KCTD20: variants seen among roughly 807,000 people sequenced by gnomAD.
The protein encoded by KCTD20 is BTB/POZ domain-containing protein KCTD20.
In KCTD20, 30 loss-of-function variants were observed where a neutral mutation model predicts 39.6. The observed-to-expected ratio is 0.76, with a 90% CI of 0.57 to 1.03. The LOEUF (loss-of-function observed/expected upper bound fraction) is 1.03, where lower values mean the gene tolerates loss of function less well. Ranked by LOEUF, KCTD20 falls within the 50% of genes least tolerant of loss-of-function variation. KCTD20 has a pLI of 0.00. For synonymous variants in KCTD20, 162 were observed against 180.6 expected (o/e 0.90, Z 0.83); for missense variants, 422 against 522.0 (o/e 0.81, Z 1.87).
chr6:36,483,088 C>T (rs929103520), intron 6 of KCTD20, among the ~76,000 whole-genome samples: 5 of 146,068 alleles, frequency 3.4e-5, no homozygotes, highest in Non-Finnish European at 7.4e-5. Flanking sequence ...CATTGCACTA[C>T]AGCCTGGGTA....
chr6:36,448,822 C>G (rs1271697230), intron 1 of KCTD20, among the ~76,000 whole-genome samples: 1 of 152,188 alleles, frequency 6.6e-6, no homozygotes, highest in Non-Finnish European at 1.5e-5. Context: ...AGAGTTTGTT[C>G]CTTCACATGT....
In KCTD20 at chr6:36,484,771, CA is replaced by C; in HGVS notation, c.919del (p.Thr307GlnfsTer3). ...AAATATATTGAGAATAGGGATGTTGCAAAAACAGTGTTAAAGGAACGGGGCC... is the reference window on the plus strand; with the variant it reads ...AAATATATTGAGAATAGGGATGTTGCAAAACAGTGTTAAAGGAACGGGGCC... ...FFKYIENRDVAKTVLKERGLK... is the reference protein window; with the variant it reads ...FFKYIENRDVXKTVLKERGLK... On this transcript the variant is annotated frameshift_variant, in exon 7 of 8. Coordinates refer to ENST00000373731, the MANE Select transcript of KCTD20 (RefSeq NM_173562.5). LOFTEE classifies it high-confidence loss of function. The C allele has an allele frequency of 6.2e-7, 1 of 1,603,712 alleles. No homozygotes were observed. The highest frequency in any genetic ancestry group is 8.5e-7 in the Non-Finnish European group (1 of 1,175,402).
intron 1 of KCTD20, among the ~76,000 whole-genome samples, chr6:36,447,213 A>C (rs1775074780): frequency 1.3e-5 from 2 of 152,232 alleles, no homozygotes; most frequent in African/African-American, 4.8e-5. Context: ...TCTCTGAAAT[A>C]GACAATAATA....
At chr6:36,466,948 AAT>A (rs1370145428) in intron 1 of KCTD20, among the ~76,000 whole-genome samples, 2 of 152,110 alleles carry the variant, frequency 1.3e-5, no homozygotes, top group African/African-American at 4.8e-5. Context: ...TTTTAGAGGA[AAT>A]AGAGTTTATA....
chr6:36,458,219 A>AT (rs1355100727), intron 1 of KCTD20, among the ~76,000 whole-genome samples: 7 of 151,510 alleles, frequency 4.6e-5, no homozygotes, highest in Middle Eastern at 6.8e-3. Flanking sequence ...TGGCCAGCTA[A>AT]TTTTTTTTTA....
intron 1 of KCTD20, among the ~76,000 whole-genome samples, chr6:36,465,168 T>G (rs1399118292): frequency 6.6e-6 from 1 of 151,968 alleles, no homozygotes; most frequent in African/African-American, 2.4e-5. Context: ...TGATGGTGCA[T>G]GCCTGTAATC....
intron 1 of KCTD20, among the ~76,000 whole-genome samples, chr6:36,451,367 GA>G (rs1203577785): frequency 3.3e-5 from 5 of 152,250 alleles, no homozygotes; most frequent in African/African-American, 9.6e-5. Flanking sequence ...CTTTTTAAAA[GA>G]AAAGTCACGT....
Position 36,487,481 on chromosome 6 carries a change from T to C in KCTD20, c.*306T>C, listed in dbSNP as rs1209249439. 8.5e-6 allele frequency: 3 copies of C among 353,922 alleles called. No individual in the cohort carries two copies. The highest frequency in any genetic ancestry group is 5.1e-5 in the South Asian group (1 of 19,662). The allele number at this position is 353,922 out of a possible 1,614,324, so 21.9% of individuals were successfully genotyped here. ...GCAGGAAAGGAAGTCAAGACTCCTG[T>C]TGCCTCGTGCTTAGCAAAGCAGTCC... On this transcript the variant is annotated 3_prime_UTR_variant, in exon 8 of 8. Coordinates refer to ENST00000373731, the MANE Select transcript of KCTD20 (RefSeq NM_173562.5).
chr6:36,472,553 A>T (rs1383097986), intron 2 of KCTD20, among the ~76,000 whole-genome samples: 2 of 151,826 alleles, frequency 1.3e-5, no homozygotes, highest in African/African-American at 4.8e-5. Flanking sequence ...TTTTTTTTCA[A>T]AAAGGGCTTG....
At chr6:36,458,063 T>C (rs756339287) in intron 1 of KCTD20, among the ~76,000 whole-genome samples, 42 of 151,978 alleles carry the variant, frequency 2.8e-4, no homozygotes, top group Non-Finnish European at 1.0e-4. Context: ...AATCTAGCCT[T>C]CTTTTTTGAG....
intron 2 of KCTD20, among the ~76,000 whole-genome samples, chr6:36,472,902 A>ATT (rs59683179): frequency 1.1e-4 from 17 of 150,676 alleles, no homozygotes; most frequent in Admixed American, 7.9e-4. Flanking sequence ...TATATATATA[A>ATT]TTTTTTTTTC....
chr6:36,487,311 C>T lies in KCTD20; in HGVS notation c.*136C>T. ...ACCTTTTCCTTTCTGCCATAATTAACATATGTCCTTTTCAGTAAGTCCATG... is the reference window on the plus strand; with the variant it reads ...ACCTTTTCCTTTCTGCCATAATTAATATATGTCCTTTTCAGTAAGTCCATG... On this transcript the variant is annotated 3_prime_UTR_variant, in exon 8 of 8. Transcript: ENST00000373731. 1 of 866,586 alleles carries T rather than the reference C, an allele frequency of 1.2e-6. No individual in the cohort carries two copies. The highest frequency in any genetic ancestry group is 1.8e-6 in the Non-Finnish European group (1 of 555,952). 53.7% of individuals were successfully genotyped at this position (866,586 alleles called of 1,614,324 possible).
chr6:36,486,145 C>T (rs1232957986), intron 7 of KCTD20, among the ~76,000 whole-genome samples: 1 of 151,998 alleles, frequency 6.6e-6, no homozygotes, highest in African/African-American at 2.4e-5. Flanking sequence ...TGGACTCAAG[C>T]GATCCTCCTG....
In KCTD20 at chr6:36,443,052, T is replaced by C. The variant is rs994698452; in HGVS notation, c.-106T>C. On this transcript the variant is annotated 5_prime_UTR_variant, in exon 1 of 8. Transcript: ENST00000373731. ...GGCTGCGGCTTCTGGCTGCGCGGCC[T>C]GCGCGCGCCTCCCGGGCGGATTCCA... The C allele has an allele frequency of 1.1e-4, 16 of 151,330 alleles. No homozygotes were observed. Among genetic ancestry groups the C allele is most frequent in the Admixed American group, 9.2e-4 (14 of 15,202 alleles). 9.4% of individuals were successfully genotyped at this position (151,330 alleles called of 1,614,324 possible).
chr6:36,453,635 C>G (rs1775337908), intron 1 of KCTD20, among the ~76,000 whole-genome samples: 1 of 151,990 alleles, frequency 6.6e-6, no homozygotes, highest in Admixed American at 6.6e-5. Context: ...CTGCCTCAGC[C>G]TCCCCAGTAG....
In KCTD20 at chr6:36,468,476, G is replaced by A. The variant is rs183822997; in HGVS notation, c.-46-1576G>A. On this transcript the variant is annotated intron_variant, in intron 1 of 7. Transcript: ENST00000373731. ...GTTTGAACTTGGTTCTTGAGCAGCT[G>A]GAGGAGCTGTAAATAGATTGGAATA... Among the ~76,000 whole-genome samples the A allele has an allele frequency of 1.1e-4, 16 of 152,324 alleles. No individual in the cohort carries two copies. The East Asian group carries it at 2.9e-3, about 28-fold the overall frequency.
chr6:36,452,894 CAT>C (rs1775303049), intron 1 of KCTD20, among the ~76,000 whole-genome samples: 1 of 150,868 alleles, frequency 6.6e-6, no homozygotes, highest in Non-Finnish European at 1.5e-5. Flanking sequence ...ACAATTCACT[CAT>C]ATAAAGTATA....
At chr6:36,468,949 T>C (rs572232118) in intron 1 of KCTD20, among the ~76,000 whole-genome samples, 33 of 152,332 alleles carry the variant, frequency 2.2e-4, no homozygotes, top group African/African-American at 7.9e-4. Flanking sequence ...AACTGATCAA[T>C]TTTATGCTAA....
At chr6:36,478,556 TC>T (rs1776142433) in intron 3 of KCTD20, among the ~76,000 whole-genome samples, 1 of 151,938 alleles carries the variant, frequency 6.6e-6, no homozygotes, top group African/African-American at 2.4e-5. Flanking sequence ...AGGCCATTTT[TC>T]CCCCAGAGCT....
Sources: gnomAD v4.1 joint callset for allele counts (sites outside exome capture counted in the v4.1 genomes callset) on GRCh38, gnomAD v4.1.1 for gene constraint, MANE v1.5 for transcripts, NCBI Gene and HGNC (gene_info 2026-07-23, HGNC 2026-07-21) for gene names.